Variants in PLXNC1 observed in about 807,000 individuals in gnomAD.
The protein encoded by PLXNC1 is plexin C1.
In PLXNC1, 75 loss-of-function variants were observed where a neutral mutation model predicts 178.2. The ratio of observed to expected loss-of-function variants is 0.42; its 90% confidence interval spans 0.35 to 0.51. The LOEUF (loss-of-function observed/expected upper bound fraction) is 0.51. Among genes scored for constraint, PLXNC1 ranks in the 20% least tolerant of loss-of-function variants. PLXNC1 has a pLI of 0.02. For synonymous variants in PLXNC1, 790 were observed against 779.9 expected (o/e 1.01, Z -0.22); for missense variants, 1,503 against 1,984.4 (o/e 0.76, Z 4.61).
At chr12:94,177,149 G>GTGTA (rs1422341466) in intron 2 of PLXNC1, among the ~76,000 whole-genome samples, 1 of 91,852 alleles carries the variant, frequency 1.1e-5, no homozygotes, top group African/African-American at 3.6e-5. Context: ...GTGTGTGTGT[G>GTGTA]TATATATATA....
At chr12:94,160,583 G>A (rs981179629) in intron 1 of PLXNC1, among the ~76,000 whole-genome samples, 1 of 152,090 alleles carries the variant, frequency 6.6e-6, no homozygotes, top group Admixed American at 6.5e-5. Context: ...TGGATTCCGA[G>A]TGCAAAGCCT....
intron 21 of PLXNC1, among the ~76,000 whole-genome samples, chr12:94,274,713 T>C (rs11107494): frequency 0.18 from 27,461 of 152,132 alleles, 2,652 homozygotes; most frequent in Admixed American, 0.23. Flanking sequence ...CAAAACATTC[T>C]TGTACTTCCA....
At chr12:94,299,345 T>C (rs1254047499) in intron 27 of PLXNC1, among the ~76,000 whole-genome samples, 1 of 152,122 alleles carries the variant, frequency 6.6e-6, no homozygotes, top group East Asian at 1.9e-4. Flanking sequence ...GCTCATGAGC[T>C]CTCTTTGAAA....
Position 94,306,781 on chromosome 12 carries a change from T to C in PLXNC1, c.*1496T>C, listed in dbSNP as rs1441147418. ...ATTATCTGGAAAAGCATGAGAGAGG[T>C]GACACCTCAACAAACTGATCAGAGA... On this transcript the variant is annotated 3_prime_UTR_variant, in exon 31 of 31. Transcript: ENST00000258526. 1 of 152,220 alleles carries C rather than the reference T, an allele frequency of 6.6e-6. No homozygotes were observed. The highest frequency in any genetic ancestry group is 2.4e-5 in the African/African-American group (1 of 41,456). 9.4% of individuals were successfully genotyped at this position (152,220 alleles called of 1,614,324 possible).
Position 94,288,241 on chromosome 12 carries a change from C to T in PLXNC1, c.3879+5840C>T, listed in dbSNP as rs970379564. 5.9e-5 allele frequency among the ~76,000 whole-genome samples: 9 copies of T among 152,304 alleles called. No individual in the cohort carries two copies. In the South Asian group the frequency reaches 1.9e-3, roughly 32 times the overall value. On this transcript the variant is annotated intron_variant, in intron 23 of 30. Coordinates refer to ENST00000258526, the MANE Select transcript of PLXNC1 (RefSeq NM_005761.3). ...GTCTGTGAGTTTATCAAAATGCTTC[C>T]CTACTTCTACTTTAACCCTCTTTTT...
intron 14 of PLXNC1, among the ~76,000 whole-genome samples, chr12:94,250,300 C>T (rs986530745): frequency 6.6e-6 from 1 of 152,068 alleles, no homozygotes; most frequent in Non-Finnish European, 1.5e-5. Context: ...TTGAGGAGGG[C>T]GCCATGAGCT....
intron 2 of PLXNC1, among the ~76,000 whole-genome samples, chr12:94,170,394 G>T (rs1276236600): frequency 6.6e-6 from 1 of 152,126 alleles, no homozygotes; most frequent in Admixed American, 6.5e-5. Context: ...TTCCAAATAT[G>T]ATCCTGTTTC....
chr12:94,164,686 CACACACACACACACACACACGT>C (rs972482223), intron 1 of PLXNC1, among the ~76,000 whole-genome samples: 2 of 150,992 alleles, frequency 1.3e-5, no homozygotes, highest in African/African-American at 4.9e-5. Context: ...CACACACACA[CACACACACACACACACACACGT>C]ACACACACAA....
At position 94,298,776 on chromosome 12, in the gene PLXNC1, C is replaced by A; in HGVS notation, c.4219C>A (p.His1407Asn). 6.2e-7 allele frequency: 1 copy of A among 1,610,802 alleles called. No homozygotes were observed. The stretch of plus-strand genomic sequence containing the variant: ...AAAAATCACAGATCCTGACGTCGTA[C>A]ATATTTGGAAAACAAACAGGTGGGA... The part of the protein sequence containing the change: ...NKKITDPDVV[H>N]IWKTNSLPLR... The change falls in exon 27 of 31, where the codon CAT becomes AAT. Residue 1407 changes from histidine to asparagine, a missense_variant. Physicochemically the swap from His to Asn is moderately conservative, Grantham distance 68. Around this residue, in one of 4 missense-constraint regions of PLXNC1, gnomAD observed 639 missense variants for 979.7 expected, o/e 0.65. Coordinates refer to ENST00000258526, the MANE Select transcript of PLXNC1 (RefSeq NM_005761.3).
chr12:94,212,245 G>A (rs1438622435), intron 5 of PLXNC1, among the ~76,000 whole-genome samples: 1 of 122,570 alleles, frequency 8.2e-6, no homozygotes, highest in East Asian at 2.6e-4. Flanking sequence ...CTGCTCTCCA[G>A]CCTGGGCGAC....
chr12:94,153,092 C>T (rs569552869), intron 1 of PLXNC1, among the ~76,000 whole-genome samples: 38 of 152,344 alleles, frequency 2.5e-4, no homozygotes, highest in African/African-American at 8.9e-4. Context: ...TTTTGAGCCC[C>T]GCATCAAGTC....
chr12:94,223,219 G>A (rs1350182656), intron 6 of PLXNC1, among the ~76,000 whole-genome samples: 3 of 152,140 alleles, frequency 2.0e-5, no homozygotes, highest in Admixed American at 2.0e-4. Context: ...TTCAAGACCA[G>A]CCTAGCCAAC....
chr12:94,273,234 A>G (rs923838641), intron 21 of PLXNC1, among the ~76,000 whole-genome samples: 6 of 152,064 alleles, frequency 3.9e-5, no homozygotes, highest in African/African-American at 9.7e-5. Context: ...TTTCTTTACC[A>G]TATTTTTTTC....
chr12:94,275,322 T>A (rs564204098), intron 21 of PLXNC1, among the ~76,000 whole-genome samples: 1 of 152,322 alleles, frequency 6.6e-6, no homozygotes. Flanking sequence ...CAGGAGAACA[T>A]GCTGGTTAAA....
intron 12 of PLXNC1, among the ~76,000 whole-genome samples, chr12:94,247,218 T>A (rs1964552990): frequency 6.6e-6 from 1 of 152,158 alleles, no homozygotes; most frequent in Non-Finnish European, 1.5e-5. Flanking sequence ...AGCCTATTTA[T>A]GTGTTGTTGT....
At chr12:94,234,636 G>A in intron 9 of PLXNC1, among the ~76,000 whole-genome samples, 1 of 152,214 alleles carries the variant, frequency 6.6e-6, no homozygotes, top group African/African-American at 2.4e-5. Flanking sequence ...ACGGTATTTT[G>A]ATTTGAATAC....
In PLXNC1 at chr12:94,175,151, A is replaced by G. The variant is rs1449434974; in HGVS notation, c.1203+5858A>G. ...CATGCACGTGTGTGTATATGTATGC[A>G]GGCATGCACGTGCATATGTGTGTGT... On this transcript the variant is annotated intron_variant, in intron 2 of 30. Transcript: ENST00000258526. 2.6e-5 allele frequency among the ~76,000 whole-genome samples: 4 copies of G among 152,170 alleles called. No homozygotes were observed. In the East Asian group the frequency reaches 7.7e-4, roughly 29 times the overall value.
chr12:94,180,802 C>T (rs961265234), intron 2 of PLXNC1, among the ~76,000 whole-genome samples: 4 of 152,196 alleles, frequency 2.6e-5, no homozygotes, highest in Non-Finnish European at 5.9e-5. Flanking sequence ...CTTGAGACAG[C>T]ACTAATGAAG....
At chr12:94,253,829 G>A (rs142094931) in intron 15 of PLXNC1, among the ~76,000 whole-genome samples, 16 of 151,896 alleles carry the variant, frequency 1.1e-4, no homozygotes, top group Non-Finnish European at 1.9e-4. Flanking sequence ...ATGCACCATC[G>A]CACCCATCTA....
Sources: gnomAD v4.1 joint callset for allele counts (sites outside exome capture counted in the v4.1 genomes callset) on GRCh38, gnomAD v4.1.1 for gene constraint, gnomAD v4.1.1 regional missense constraint, MANE v1.5 for transcripts, NCBI Gene and HGNC (gene_info 2026-07-23, HGNC 2026-07-21) for gene names.